Variants in ATP6V0E1 observed in about 807,000 individuals in gnomAD.
ATP6V0E1 encodes the protein ATPase H+ transporting V0 subunit e1, also known as V-type proton ATPase subunit e 1.
In ATP6V0E1, 4 loss-of-function variants were observed where a neutral mutation model predicts 11.6. The ratio of observed to expected loss-of-function variants is 0.35; its 90% CI spans 0.17 to 0.79. The LOEUF is 0.79. Among genes scored for constraint, ATP6V0E1 ranks in the 30% least tolerant of loss-of-function variants. ATP6V0E1 has a pLI of 0.54. For synonymous variants in ATP6V0E1, 36 were observed against 34.8 expected (o/e 1.04, Z -0.13); for missense variants, 105 against 100.0 (o/e 1.05, Z -0.21).
intron 2 of ATP6V0E1, among the ~76,000 whole-genome samples, chr5:173,001,237 G>A (rs1344575788): frequency 1.3e-5 from 2 of 150,984 alleles, no homozygotes; most frequent in African/African-American, 2.4e-5. Flanking sequence ...ACAACCCCCT[G>A]TCCTCTTTAA....
chr5:172,984,082 G>C (rs918392973), intron 1 of ATP6V0E1, 118 bp downstream of exon 1: 14 of 948,154 alleles, frequency 1.5e-5, no homozygotes, highest in Non-Finnish European at 2.4e-5. Context: ...CCCCCGCGCT[G>C]CAGAGTCAGG....
chr5:173,020,759 G>A (rs17075508), intron 3 of ATP6V0E1: 116,593 of 519,124 alleles, frequency 0.22, 19,849 homozygotes, highest in East Asian at 0.74. Flanking sequence ...GGACAGAACC[G>A]TTCCTGTGAT....
At position 173,034,523 on chromosome 5, in the gene ATP6V0E1, C is replaced by G. The variant is rs879861623; in HGVS notation, c.*161C>G. 9 of 691,380 alleles carry G rather than the reference C, an allele frequency of 1.3e-5. No homozygotes were observed. The highest frequency in any genetic ancestry group is 2.4e-5 in the Non-Finnish European group (9 of 375,582). 42.8% of individuals were successfully genotyped at this position (691,380 alleles called of 1,614,324 possible). A position where few individuals can be genotyped will look rare whatever the true frequency, so the allele number is the denominator to read the frequency against. ...CAGCACATTTGAATGCCTTATTCTACAATGCAGCGTGTTTTCCTTTGCCTT... is the reference window on the plus strand; with the variant it reads ...CAGCACATTTGAATGCCTTATTCTAGAATGCAGCGTGTTTTCCTTTGCCTT... On this transcript the variant is annotated 3_prime_UTR_variant, in exon 4 of 4. Coordinates refer to ENST00000519374, the MANE Select transcript of ATP6V0E1 (RefSeq NM_003945.4).
chr5:173,021,002 A>G, intron 3 of ATP6V0E1: 1 of 500,754 alleles, frequency 2.0e-6, no homozygotes, highest in South Asian at 1.4e-5. Flanking sequence ...GTGTTGCTAT[A>G]AAGGAATACA....
intron 3 of ATP6V0E1, among the ~76,000 whole-genome samples, chr5:173,026,503 A>C (rs1191049890): frequency 1.3e-5 from 2 of 152,238 alleles, no homozygotes; most frequent in Admixed American, 6.5e-5. Flanking sequence ...TGTAAAGATT[A>C]AGCAAATACA....
At chr5:173,026,868 T>G (rs1756567795) in intron 3 of ATP6V0E1, among the ~76,000 whole-genome samples, 1 of 152,174 alleles carries the variant, frequency 6.6e-6, no homozygotes, top group Non-Finnish European at 1.5e-5. Flanking sequence ...TTATACTGTT[T>G]TGCATTCCCA....
chr5:173,017,794 T>C (rs2113604848), intron 2 of ATP6V0E1, among the ~76,000 whole-genome samples: 1 of 142,874 alleles, frequency 7.0e-6, no homozygotes. Context: ...TGAGCTGAGA[T>C]CGTGCCACTG....
At chr5:173,020,115 A>C (rs757691014) in intron 2 of ATP6V0E1, 123 bp from the exon 3 acceptor site, 4 of 722,426 alleles carry the variant, frequency 5.5e-6, no homozygotes, top group Non-Finnish European at 9.6e-6. Context: ...ATGTATATGG[A>C]AAGTTTGGTG....
intron 3 of ATP6V0E1, among the ~76,000 whole-genome samples, chr5:173,032,433 C>A (rs914856096): frequency 6.6e-6 from 1 of 151,810 alleles, no homozygotes; most frequent in African/African-American, 2.4e-5. Flanking sequence ...GGACTACAGG[C>A]ATGCACCACT....
chr5:173,017,285 G>A (rs1756413432), intron 2 of ATP6V0E1, among the ~76,000 whole-genome samples: 1 of 152,162 alleles, frequency 6.6e-6, no homozygotes, highest in Non-Finnish European at 1.5e-5. Flanking sequence ...TGTAATCCCA[G>A]CACTTTGGGA....
intron 1 of ATP6V0E1, among the ~76,000 whole-genome samples, chr5:172,985,110 T>TG (rs1755873838): frequency 6.6e-6 from 1 of 151,564 alleles, no homozygotes; most frequent in Non-Finnish European, 1.5e-5. Flanking sequence ...CCGGGCGTGG[T>TG]GGCGGGCGCC....
chr5:173,013,371 C>T (rs909679648), intron 2 of ATP6V0E1, among the ~76,000 whole-genome samples: 3 of 151,742 alleles, frequency 2.0e-5, no homozygotes, highest in East Asian at 3.9e-4. Context: ...GTCAGGAGAT[C>T]GAGACCATCC....
chr5:173,019,540 C>T lies in ATP6V0E1; in HGVS notation c.153-698C>T, dbSNP rs372046519. ...CTGCAGTCTGGACTGGGCGAAAGAG[C>T]GAGACTCCATCTCAAAAAAAAAAAA... On this transcript the variant is annotated intron_variant, in intron 2 of 3. Transcript: ENST00000519374. Among the ~76,000 whole-genome samples the T allele has an allele frequency of 7.3e-5, 11 of 150,560 alleles. No homozygotes were observed. In the East Asian group the frequency reaches 2.2e-3, roughly 29 times the overall value.
rs555390894 is a variant in ATP6V0E1, at chr5:173,006,460, A to G, written c.152+11638A>G. ...TCCGTCTCTACTAAAAATACAAAAA[A>G]TTAGCCAGGCGTGGTGGTGGGCGCC... On this transcript the variant is annotated intron_variant, in intron 2 of 3. Transcript: ENST00000519374. Among the ~76,000 whole-genome samples, 10 of 152,180 alleles carry G rather than the reference A, an allele frequency of 6.6e-5. No individual in the cohort carries two copies. The South Asian group carries it at 1.7e-3, about 25-fold the overall frequency.
intron 2 of ATP6V0E1, among the ~76,000 whole-genome samples, chr5:173,004,926 A>C (rs778930567): frequency 3.3e-5 from 5 of 152,152 alleles, no homozygotes; most frequent in Non-Finnish European, 7.3e-5. Context: ...TTCTCCGTGA[A>C]ATTGCTTTGG....
intron 3 of ATP6V0E1, among the ~76,000 whole-genome samples, chr5:173,028,213 A>G (rs747320192): frequency 2.6e-5 from 4 of 152,212 alleles, no homozygotes; most frequent in Admixed American, 6.5e-5. Context: ...ATTTAACAGA[A>G]TTATAGTGGT....
chr5:173,012,317 G>GTT (rs147169352), intron 2 of ATP6V0E1, among the ~76,000 whole-genome samples: 1 of 147,154 alleles, frequency 6.8e-6, no homozygotes, highest in African/African-American at 2.5e-5. Flanking sequence ...GTGGTTTCTT[G>GTT]TTTTTTTTTT....
At chr5:172,995,874 A>G (rs890178934) in intron 2 of ATP6V0E1, among the ~76,000 whole-genome samples, 3 of 152,134 alleles carry the variant, frequency 2.0e-5, no homozygotes, top group African/African-American at 4.8e-5. Flanking sequence ...TAAGCCTCCC[A>G]AAGTGCTAGG....
chr5:173,018,520 TG>T (rs1174145927), intron 2 of ATP6V0E1, among the ~76,000 whole-genome samples: 1 of 152,266 alleles, frequency 6.6e-6, no homozygotes, highest in East Asian at 1.9e-4. Flanking sequence ...AATGGTCAGC[TG>T]GATTTTGAGT....
Sources: gnomAD v4.1 joint callset for allele counts (sites outside exome capture counted in the v4.1 genomes callset) on GRCh38, gnomAD v4.1.1 for gene constraint, MANE v1.5 for transcripts, NCBI Gene and HGNC (gene_info 2026-07-23, HGNC 2026-07-21) for gene names.